ABAT: variants seen among roughly 807,000 people sequenced by gnomAD.
ABAT encodes 4-aminobutyrate aminotransferase, mitochondrial.
In ABAT, 45 loss-of-function variants were observed where a neutral mutation model predicts 64.6. The observed-to-expected ratio is 0.70, with a 90% CI of 0.55 to 0.89. The LOEUF is 0.89. Ranked by LOEUF, ABAT falls within the 40% of genes least tolerant of loss-of-function variation. ABAT has a pLI of 0.00. For synonymous variants in ABAT, 297 were observed against 250.5 expected (o/e 1.19, Z -1.75); for missense variants, 633 against 658.4 (o/e 0.96, Z 0.42).
At chr16:8,685,384 T>C (rs8062395) in intron 1 of ABAT, among the ~76,000 whole-genome samples, 70,802 of 151,542 alleles carry the variant, frequency 0.47, 17,029 homozygotes, top group East Asian at 0.77. Flanking sequence ...ATAAAAACAA[T>C]GTTACGCCGG....
intron 1 of ABAT, 93 bp from the exon 2 acceptor site, chr16:8,735,606 T>G (rs2058899929): frequency 9.6e-7 from 1 of 1,036,510 alleles, no homozygotes; most frequent in Admixed American, 2.0e-5. Flanking sequence ...AGAAGAACTT[T>G]CTCTATTAGG....
At chr16:8,722,400 A>G (rs1596418420) in intron 1 of ABAT, among the ~76,000 whole-genome samples, 1 of 152,180 alleles carries the variant, frequency 6.6e-6, no homozygotes, top group Non-Finnish European at 1.5e-5. Context: ...CTGCCTCGGC[A>G]TCCCAAAATT....
chr16:8,753,982 G>C lies in ABAT; in HGVS notation c.316+3443G>C, dbSNP rs546340221. Among the ~76,000 whole-genome samples the C allele has an allele frequency of 4.6e-5, 7 of 152,116 alleles. No individual in the cohort carries two copies. The South Asian group carries it at 1.0e-3, about 23-fold the overall frequency. On this transcript the variant is annotated intron_variant, in intron 5 of 15. Coordinates refer to ENST00000268251, the MANE Select transcript of ABAT (RefSeq NM_020686.6). ...GCGCGGCCCAGGCTCAGAGGCTTGG[G>C]CAGGCAACAGAAAGATTGTTCCTAC... is the stretch of plus-strand genomic sequence containing the variant.
At chr16:8,752,750 A>G (rs1474710548) in intron 5 of ABAT, among the ~76,000 whole-genome samples, 1 of 152,214 alleles carries the variant, frequency 6.6e-6, no homozygotes, top group African/African-American at 2.4e-5. Context: ...CTGAGGCAAC[A>G]GTGCAAGACC....
chr16:8,690,105 C>T (rs888155663), intron 1 of ABAT, among the ~76,000 whole-genome samples: 2 of 152,202 alleles, frequency 1.3e-5, no homozygotes, highest in African/African-American at 4.8e-5. Context: ...TAAGCTTCAT[C>T]TCCCAGCTCC....
chr16:8,699,155 C>T (rs781096744), intron 1 of ABAT, among the ~76,000 whole-genome samples: 9 of 152,086 alleles, frequency 5.9e-5, no homozygotes, highest in Non-Finnish European at 8.8e-5. Flanking sequence ...GTTACAGAAC[C>T]GCCCCAGATC....
In ABAT at chr16:8,735,895, G is replaced by T. The variant is rs1285886472; in HGVS notation, c.70+86G>T. On this transcript the variant is annotated intron_variant, in intron 2 of 15. Transcript: ENST00000268251. ...ATTCCTGGGCTGGAAGAGCCCTTGG[G>T]GATAAAGGGACCAGCCAGTGAGTGT... 11 of 1,199,560 alleles carry T rather than the reference G, an allele frequency of 9.2e-6. No individual in the cohort carries two copies. In the East Asian group the frequency reaches 2.3e-4, roughly 25 times the overall value. 74.3% of individuals were successfully genotyped at this position (1,199,560 alleles called of 1,614,324 possible). A position where few individuals can be genotyped will look rare whatever the true frequency, so the allele number is the denominator to read the frequency against.
intron 1 of ABAT, among the ~76,000 whole-genome samples, chr16:8,722,423 G>A (rs1050167322): frequency 2.0e-5 from 3 of 152,174 alleles, no homozygotes; most frequent in African/African-American, 7.2e-5. Context: ...GGGATTACAG[G>A]CATGAGCCAC....
chr16:8,750,943 C>CTTTT (rs71301327), intron 5 of ABAT, among the ~76,000 whole-genome samples: 37 of 109,702 alleles, frequency 3.4e-4, no homozygotes, highest in African/African-American at 1.3e-3. Context: ...TTTTTCCCTG[C>CTTTT]TTTTTTTTTT....
At chr16:8,735,394 G>A (rs1028513285) in intron 1 of ABAT, among the ~76,000 whole-genome samples, 3 of 151,916 alleles carry the variant, frequency 2.0e-5, no homozygotes, top group Admixed American at 6.6e-5. Context: ...TGGGACTATA[G>A]GCAGGCACCA....
intron 1 of ABAT, among the ~76,000 whole-genome samples, chr16:8,701,418 C>A (rs928460912): frequency 6.6e-6 from 1 of 152,220 alleles, no homozygotes; most frequent in Non-Finnish European, 1.5e-5. Context: ...TAAGCATGCA[C>A]TATTGGCCAG....
chr16:8,725,292 G>A (rs145298971), intron 1 of ABAT, among the ~76,000 whole-genome samples: 92 of 152,204 alleles, frequency 6.0e-4, no homozygotes, highest in Non-Finnish European at 1.1e-3. Flanking sequence ...CATCCACAAT[G>A]CTGTGCAGCC....
At chr16:8,693,573 A>G (rs1384014573) in intron 1 of ABAT, among the ~76,000 whole-genome samples, 2 of 152,134 alleles carry the variant, frequency 1.3e-5, no homozygotes, top group Non-Finnish European at 2.9e-5. Context: ...GGTTCACGTG[A>G]TCCTCATGCC....
chr16:8,728,951 G>C (rs1025349786), intron 1 of ABAT, among the ~76,000 whole-genome samples: 1 of 152,144 alleles, frequency 6.6e-6, no homozygotes, highest in East Asian at 1.9e-4. Flanking sequence ...GTTTCCTCTG[G>C]TGAAAAGCAA....
At position 8,727,302 on chromosome 16, in the gene ABAT, G is replaced by A. The variant is rs995123343; in HGVS notation, c.-41-8397G>A. 7.2e-5 allele frequency among the ~76,000 whole-genome samples: 11 copies of A among 152,060 alleles called. 1 individual carries two copies. Among genetic ancestry groups the A allele is most frequent in the Admixed American group, 5.2e-4 (8 of 15,258 alleles). On this transcript the variant is annotated intron_variant, in intron 1 of 15. Coordinates refer to ENST00000268251, the MANE Select transcript of ABAT (RefSeq NM_020686.6). ...TTGCTCGAGTTGGCTCCAGATGACC[G>A]CACCTTCACCTTCCCTCCAAGTGCT...
At position 8,745,967 on chromosome 16, in the gene ABAT, AC is replaced by A. The variant is rs772723131; in HGVS notation, c.71-32del. On this transcript the variant is annotated intron_variant, in intron 2 of 15. Coordinates refer to ENST00000268251, the MANE Select transcript of ABAT (RefSeq NM_020686.6). Reference sequence around the variant, plus strand: ...CAGAATCCTCATGATCTCTGCTGTCACCAGGGATTTCTCATTGTCTTTGTTT... The same window carrying A: ...CAGAATCCTCATGATCTCTGCTGTCACAGGGATTTCTCATTGTCTTTGTTT... 16 of 1,594,380 alleles carry A rather than the reference AC, an allele frequency of 1.0e-5. No homozygotes were observed. The South Asian group carries it at 1.7e-4, about 16-fold the overall frequency.
intron 1 of ABAT, among the ~76,000 whole-genome samples, chr16:8,675,194 C>T (rs892795004): frequency 2.6e-5 from 4 of 151,908 alleles, no homozygotes; most frequent in Non-Finnish European, 4.4e-5. Flanking sequence ...CAAGGAAATC[C>T]CGGAGCAGAG....
intron 1 of ABAT, among the ~76,000 whole-genome samples, chr16:8,697,375 C>G (rs1441255478): frequency 1.3e-5 from 2 of 152,110 alleles, no homozygotes; most frequent in Non-Finnish European, 2.9e-5. Flanking sequence ...TATGGCTGCT[C>G]CGTGCAAAGT....
chr16:8,772,712 G>C (rs931989858), intron 11 of ABAT, 68 bp from the exon 12 acceptor site: 46 of 1,610,010 alleles, frequency 2.9e-5, no homozygotes, highest in Non-Finnish European at 3.8e-5. Flanking sequence ...TCGAACCCCA[G>C]ATTCCCACCC....
Sources: gnomAD v4.1 joint callset for allele counts (sites outside exome capture counted in the v4.1 genomes callset) on GRCh38, gnomAD v4.1.1 for gene constraint, MANE v1.5 for transcripts, NCBI Gene and HGNC (gene_info 2026-07-23, HGNC 2026-07-21) for gene names.